Variants in CHD1L observed in about 807,000 individuals in gnomAD.
CHD1L encodes ATP-dependent chromatin remodeler CHD1L.
Under a neutral mutation model 115.9 loss-of-function variants are expected in CHD1L, and 118 were observed. The observed-to-expected ratio is 1.02, with a 90% CI of 0.88 to 1.19. CHD1L has a LOEUF of 1.19. CHD1L is among the 50% of genes most tolerant of loss of function. CHD1L has a pLI of 0.00. For missense variants in CHD1L, 1,179 were observed against 1,065.3 expected (o/e 1.11, Z -1.49); for synonymous variants, 411 against 387.1 (o/e 1.06, Z -0.72).
chr1:147,273,532 G>A (rs377481720), intron 12 of CHD1L, among the ~76,000 whole-genome samples: 22 of 152,144 alleles, frequency 1.4e-4, no homozygotes, highest in Non-Finnish European at 1.3e-4. Context: ...TGCACATGGA[G>A]TCTCAGCCAT....
intron 15 of CHD1L, among the ~76,000 whole-genome samples, chr1:147,281,958 C>G (rs1009058675): frequency 2.6e-5 from 4 of 152,216 alleles, no homozygotes; most frequent in African/African-American, 9.7e-5. Context: ...GAACACTTAA[C>G]GTCCACTCTC....
At chr1:147,203,772 T>C in the CHD1L span, 5 of 1,536,246 alleles carry the variant, frequency 3.3e-6, no homozygotes, top group African/African-American at 2.7e-5. Flanking sequence ...GCCCTTTCTA[T>C]GTCATCCATC....
At chr1:147,284,267 T>C in intron 15 of CHD1L, 84 bp from the exon 16 acceptor site, 2 of 1,127,464 alleles carry the variant, frequency 1.8e-6, no homozygotes, top group Non-Finnish European at 2.5e-6. Flanking sequence ...TGTTCTCCTG[T>C]CCACTTTTGT....
chr1:147,201,473 C>G, the CHD1L span: 1 of 1,613,946 alleles, frequency 6.2e-7, no homozygotes, highest in South Asian at 1.1e-5. Flanking sequence ...TTTGGCAGGT[C>G]ATCATTTAAG....
intron 3 of CHD1L, among the ~76,000 whole-genome samples, chr1:147,255,417 G>A (rs939339230): frequency 1.3e-5 from 2 of 152,162 alleles, no homozygotes; most frequent in Admixed American, 6.5e-5. Context: ...AGTAGAGACC[G>A]GGTTTCTCCA....
intron 12 of CHD1L, 150 bp downstream of exon 12, chr1:147,272,431 G>T: frequency 1.7e-6 from 1 of 574,934 alleles, no homozygotes. Flanking sequence ...CAAGCATGGT[G>T]CTGTTTTCTA....
At chr1:147,191,904 G>T in the CHD1L span, among the ~76,000 whole-genome samples, 1 of 152,162 alleles carries the variant, frequency 6.6e-6, no homozygotes, top group East Asian at 1.9e-4. Flanking sequence ...TGCTGTTTTG[G>T]TTACTGTAGC....
At chr1:147,295,171 C>T (rs1559925232) in intron 22 of CHD1L, among the ~76,000 whole-genome samples, 1 of 152,178 alleles carries the variant, frequency 6.6e-6, no homozygotes, top group East Asian at 1.9e-4. Context: ...TGATGGTCTT[C>T]AAGATATTTA....
chr1:147,213,571 G>A, the CHD1L span: 4 of 948,488 alleles, frequency 4.2e-6, no homozygotes, highest in Middle Eastern at 3.0e-4. Flanking sequence ...CACATAATAG[G>A]ACCCATGCAG....
Position 147,278,222 on chromosome 1 carries a change from G to GTTTTTTT in CHD1L, c.1540-1789_1540-1783dup, listed in dbSNP as rs71083825. Among the ~76,000 whole-genome samples, 702 of 91,118 alleles carry GTTTTTTT rather than the reference G, an allele frequency of 7.7e-3. 21 individuals carry two copies. The highest frequency in any genetic ancestry group is 0.011 in the Middle Eastern group (1 of 90). The allele number at this position is 91,118 out of a possible 152,430, so 59.8% of individuals were successfully genotyped here. On this transcript the variant is annotated intron_variant, in intron 14 of 22. Transcript: ENST00000369258. ...ATTTTTGTTTGTTTTTGTTTTTTGG[G>GTTTTTTT]TTTTTTTTTTTTTTTTTTTTTGAGA...
Position 147,295,479 on chromosome 1 carries a change from A to G in CHD1L, c.2664A>G (p.Ser888=), listed in dbSNP as rs1553976317. The part of the protein sequence containing the change: ...SKSAVLHSQS[S]SSSSRQLVP ...CTGCTGTCCTTCATTCACAGTCTTC[A>G]TCTTCCTCCTCAAGACAGCTGGTGC... Residue 888 remains serine, a synonymous_variant, in exon 23 of 23, where the codon TCA becomes TCG. Transcript: ENST00000369258. The G allele has an allele frequency of 1.2e-6, 2 of 1,611,408 alleles. No individual in the cohort carries two copies. The highest frequency in any genetic ancestry group is 1.7e-5 in the Admixed American group (1 of 59,900).
At chr1:147,188,522 C>CAAAAA in the CHD1L span, among the ~76,000 whole-genome samples, 60 of 61,190 alleles carry the variant, frequency 9.8e-4, no homozygotes, top group Non-Finnish European at 1.3e-3. Context: ...GACCCCATAT[C>CAAAAA]AAAAAAAAAA....
At chr1:147,224,837 G>T in the CHD1L span, 2 of 1,536,270 alleles carry the variant, frequency 1.3e-6, no homozygotes, top group Non-Finnish European at 1.8e-6. Flanking sequence ...ATAAACTGTC[G>T]TATGCACCTA....
At chr1:147,236,787 G>A in the CHD1L span, among the ~76,000 whole-genome samples, 2 of 152,172 alleles carry the variant, frequency 1.3e-5, no homozygotes, top group African/African-American at 4.8e-5. Context: ...GGCTGAGTCT[G>A]GGGCTTTTAC....
chr1:147,278,233 T>TG (rs1237281807), intron 14 of CHD1L, among the ~76,000 whole-genome samples: 1 of 138,112 alleles, frequency 7.2e-6, no homozygotes, highest in African/African-American at 2.7e-5. Context: ...TTTTTTTTTT[T>TG]TTTTTTTTTT....
intron 19 of CHD1L, among the ~76,000 whole-genome samples, chr1:147,290,012 T>A (rs1346298054): frequency 6.6e-6 from 1 of 152,220 alleles, no homozygotes; most frequent in African/African-American, 2.4e-5. Flanking sequence ...TATTTTAGAA[T>A]GACTGAACAA....
At chr1:147,185,909 C>T in the CHD1L span, among the ~76,000 whole-genome samples, 6 of 152,144 alleles carry the variant, frequency 3.9e-5, no homozygotes, top group African/African-American at 1.4e-4. Context: ...CACTTTACGA[C>T]ATGAGAAAAA....
intron 1 of CHD1L, among the ~76,000 whole-genome samples, chr1:147,245,726 C>G (rs587697782): frequency 6.7e-6 from 1 of 148,994 alleles, no homozygotes; most frequent in South Asian, 2.1e-4. Context: ...AGGTCTCACT[C>G]TGTTGCCCAG....
At chr1:147,189,646 C>A in the CHD1L span, among the ~76,000 whole-genome samples, 4 of 152,260 alleles carry the variant, frequency 2.6e-5, no homozygotes, top group Non-Finnish European at 4.4e-5. Context: ...TGATTGTGTT[C>A]ATCAAAACAC....
Sources: gnomAD v4.1 joint callset for allele counts (sites outside exome capture counted in the v4.1 genomes callset) on GRCh38, gnomAD v4.1.1 for gene constraint, MANE v1.5 for transcripts, NCBI Gene and HGNC (gene_info 2026-07-23, HGNC 2026-07-21) for gene names.